Variants in CARHSP1 observed in about 807,000 individuals in gnomAD.
CARHSP1 encodes the protein calcium-regulated heat-stable protein 1.
A neutral mutation model predicts 12.5 loss-of-function variants in CARHSP1; 14 were observed. That is an observed-to-expected ratio of 1.12 (90% CI 0.74 to 1.75). The LOEUF is 1.75. CARHSP1 is among the 40% of genes most tolerant of loss of function. The probability of loss-of-function intolerance (pLI) is 0.00; values close to 1 mark genes in which losing one functional copy is unlikely to be tolerated. For missense variants in CARHSP1, 343 were observed against 201.6 expected, an observed-to-expected ratio of 1.70 and a Z score of -4.25; for synonymous variants, 161 against 82.0, an observed-to-expected ratio of 1.96 and a Z score of -5.20.
intron 1 of CARHSP1, chr16:8,861,793 G>C: frequency 8.0e-7 from 1 of 1,248,444 alleles, no homozygotes; most frequent in Non-Finnish European, 1.0e-6. Context: ...ACCAGCACAG[G>C]TCATAGAGTC....
chr16:8,854,986 C>T lies in CARHSP1; in HGVS notation c.*178G>A, dbSNP rs1029533415. 45 of 494,956 alleles carry T rather than the reference C, an allele frequency of 9.1e-5. 1 individual carries two copies. The highest frequency in any genetic ancestry group is 2.7e-4 in the African/African-American group (14 of 50,920). 30.7% of individuals were successfully genotyped at this position (494,956 alleles called of 1,614,324 possible). On this transcript the variant is annotated 3_prime_UTR_variant, in exon 4 of 4. Transcript: ENST00000311052. ...AATGGTCATAGGCTGTGCTGATGGCCGGGAACACCCCACACCCCACACCTG... is the reference window on the plus strand; with the variant it reads ...AATGGTCATAGGCTGTGCTGATGGCTGGGAACACCCCACACCCCACACCTG...
intron 1 of CARHSP1, among the ~76,000 whole-genome samples, chr16:8,865,407 G>A (rs1452265202): frequency 6.6e-6 from 1 of 152,188 alleles, no homozygotes; most frequent in East Asian, 1.9e-4. Context: ...ACCGTGCCCA[G>A]CCAGAGATTC....
At chr16:8,861,018 C>G (rs1418383794) in intron 1 of CARHSP1, among the ~76,000 whole-genome samples, 2 of 149,952 alleles carry the variant, frequency 1.3e-5, no homozygotes. Context: ...CCACAGCACT[C>G]CAGCCTGGGT....
At chr16:8,861,482 C>G (rs1025160138) in intron 1 of CARHSP1, among the ~76,000 whole-genome samples, 3 of 152,068 alleles carry the variant, frequency 2.0e-5, no homozygotes, top group South Asian at 4.1e-4. Flanking sequence ...ACCGCACCCC[C>G]CGAACCGCCT....
chr16:8,868,517 G>A (rs577631839), intron 1 of CARHSP1: 1 of 149,674 alleles, frequency 6.7e-6, no homozygotes, highest in Admixed American at 6.6e-5. Flanking sequence ...CGCCGGGCCT[G>A]GCCGCCGTCC....
At chr16:8,856,662 T>A (rs541368466) in intron 3 of CARHSP1, among the ~76,000 whole-genome samples, 1 of 152,150 alleles carries the variant, frequency 6.6e-6, no homozygotes, top group African/African-American at 2.4e-5. Context: ...CCCATTGCAG[T>A]GGGCTCCTCT....
chr16:8,857,284 T>TG (rs1567181255), intron 3 of CARHSP1, among the ~76,000 whole-genome samples: 2 of 112,942 alleles, frequency 1.8e-5, no homozygotes, highest in African/African-American at 6.0e-5. Context: ...TTTTTTTTTT[T>TG]TTTTTTTTTT....
chr16:8,868,525 T>C (rs1469095559), intron 1 of CARHSP1: 1 of 144,256 alleles, frequency 6.9e-6, no homozygotes, highest in East Asian at 2.5e-4. Context: ...CTGGCCGCCG[T>C]CCCAACCTCG....
chr16:8,866,621 G>A, intron 1 of CARHSP1: 1 of 198,110 alleles, frequency 5.0e-6, no homozygotes, highest in Middle Eastern at 2.3e-3. Context: ...ACGCAGCAGC[G>A]TCAGGCTGGC....
intron 3 of CARHSP1, among the ~76,000 whole-genome samples, chr16:8,856,455 C>T (rs1049456658): frequency 1.3e-5 from 2 of 152,232 alleles, no homozygotes; most frequent in South Asian, 2.1e-4. Flanking sequence ...ATATTTCCAT[C>T]TTCCTAAATA....
intron 1 of CARHSP1, chr16:8,861,695 G>C (rs773456928): frequency 2.9e-5 from 37 of 1,288,846 alleles, no homozygotes; most frequent in Non-Finnish European, 3.7e-5. Flanking sequence ...CTACAGCCGC[G>C]GCCAAGGAGG....
chr16:8,855,006 CACCTGCCCCCCAT>C lies in CARHSP1; in HGVS notation c.*145_*157del, dbSNP rs1318621770. 7.8e-6 allele frequency: 4 copies of C among 512,728 alleles called. No homozygotes were observed. Among genetic ancestry groups the C allele is most frequent in the Non-Finnish European group, 1.3e-5 (4 of 306,730 alleles). The allele number at this position is 512,728 out of a possible 1,614,324, so 31.8% of individuals were successfully genotyped here. On this transcript the variant is annotated 3_prime_UTR_variant, in exon 4 of 4. Coordinates refer to ENST00000311052, the MANE Select transcript of CARHSP1 (RefSeq NM_014316.4). ...ATGGCCGGGAACACCCCACACCCCA[CACCTGCCCCCCAT>C]ACCCCTTCCTCCAGGAGATACTTGA...
At position 8,858,358 on chromosome 16, in the gene CARHSP1, G is replaced by A. The variant is rs747697664; in HGVS notation, c.273C>T (p.His91=). Reference sequence around the variant, plus strand: ...ACCTGCCGCTGACTCACTCAGAGATGTGCAGGAAGATGTCGGGGCCGCCAT... The same window carrying A: ...ACCTGCCGCTGACTCACTCAGAGATATGCAGGAAGATGTCGGGGCCGCCAT... ...PADGGPDIFL[H]ISDVEGEYVP... Residue 91 remains histidine (H), a synonymous_variant, in exon 3 of 4, where the codon CAC becomes CAT. Transcript: ENST00000311052. 3.7e-6 allele frequency: 6 copies of A among 1,613,748 alleles called. No individual in the cohort carries two copies. The highest frequency in any genetic ancestry group is 3.4e-6 in the Non-Finnish European group (4 of 1,179,986).
At position 8,853,289 on chromosome 16, in the gene CARHSP1, C is replaced by A. The variant is rs763580615; in HGVS notation, c.*1875G>T. 6.6e-6 allele frequency: 1 copy of A among 151,956 alleles called. No homozygotes were observed. The highest frequency in any genetic ancestry group is 1.5e-5 in the Non-Finnish European group (1 of 68,066). 9.4% of individuals were successfully genotyped at this position (151,956 alleles called of 1,614,324 possible). ...CTTGGCTGTGGAAGTGTGGACTGTA[C>A]CAGCAGATGGGCCCTTGGGAAGCCA... On this transcript the variant is annotated 3_prime_UTR_variant, in exon 4 of 4. Transcript: ENST00000311052.
chr16:8,865,203 A>T (rs2061434085), intron 1 of CARHSP1, among the ~76,000 whole-genome samples: 3 of 152,072 alleles, frequency 2.0e-5, no homozygotes, highest in African/African-American at 7.2e-5. Context: ...CCCGCCCCCC[A>T]GGTTCAAGCG....
In CARHSP1 at chr16:8,855,099, T is replaced by C. The variant is rs1373220013; in HGVS notation, c.*65A>G. The C allele has an allele frequency of 6.6e-6, 9 of 1,371,950 alleles. No homozygotes were observed. Among genetic ancestry groups the C allele is most frequent in the Non-Finnish European group, 4.9e-6 (5 of 1,026,790 alleles). The allele number at this position is 1,371,950 out of a possible 1,614,324, so 85.0% of individuals were successfully genotyped here. A position where few individuals can be genotyped will look rare whatever the true frequency, so the allele number is the denominator to read the frequency against. ...TCGTGTGGAAGAATGTCATCTCCAG[T>C]GTCTGCTGCCTCCTCCCTGCAAAGT... On this transcript the variant is annotated 3_prime_UTR_variant, in exon 4 of 4. Coordinates refer to ENST00000311052, the MANE Select transcript of CARHSP1 (RefSeq NM_014316.4).
At chr16:8,859,661 G>A (rs2061281803) in intron 1 of CARHSP1, among the ~76,000 whole-genome samples, 1 of 152,100 alleles carries the variant, frequency 6.6e-6, no homozygotes, top group African/African-American at 2.4e-5. Context: ...TTGTGGGAGG[G>A]AAGGAGGAAG....
At chr16:8,860,835 G>C (rs2061331073) in intron 1 of CARHSP1, among the ~76,000 whole-genome samples, 1 of 151,762 alleles carries the variant, frequency 6.6e-6, no homozygotes, top group Non-Finnish European at 1.5e-5. Flanking sequence ...TGGATCACCT[G>C]AGGTCAGGAG....
intron 1 of CARHSP1, 125 bp downstream of exon 1, chr16:8,868,841 C>T (rs1353765548): frequency 6.6e-6 from 1 of 151,964 alleles, no homozygotes; most frequent in Non-Finnish European, 1.5e-5. Flanking sequence ...CCTCCTCTGC[C>T]GAGCTAGAAG....
Sources: allele counts gnomAD v4.1 joint callset (sites outside exome capture counted in the v4.1 genomes callset), GRCh38; gene constraint gnomAD v4.1.1; transcripts MANE v1.5; gene names NCBI Gene and HGNC (gene_info 2026-07-23, HGNC 2026-07-21).